The following NSUN4 variants were observed in gnomAD, a reference collection of about 807,000 sequenced individuals.
The protein encoded by NSUN4 is 5-cytosine rRNA methyltransferase NSUN4.
NSUN4 carries 31 observed loss-of-function variants against 43.8 expected under a neutral mutation model. The ratio of observed to expected loss-of-function variants is 0.71; its 90% CI spans 0.53 to 0.96. NSUN4 has a LOEUF of 0.96. Ranked by LOEUF, NSUN4 falls within the 40% of genes least tolerant of loss-of-function variation. NSUN4 has a pLI of 0.00. For missense variants in NSUN4, 439 were observed against 475.6 expected, an observed-to-expected ratio of 0.92 and a Z score of 0.72; for synonymous variants, 167 against 184.1, an observed-to-expected ratio of 0.91 and a Z score of 0.75.
the NSUN4 span, among the ~76,000 whole-genome samples, chr1:46,379,148 C>G: frequency 6.6e-6 from 1 of 152,090 alleles, no homozygotes; most frequent in Non-Finnish European, 1.5e-5. Context: ...ACAAACTCTC[C>G]CCAAACTCAG....
chr1:46,348,267 T>C (rs1320322371), intron 3 of NSUN4, among the ~76,000 whole-genome samples: 3 of 152,218 alleles, frequency 2.0e-5, no homozygotes, highest in African/African-American at 4.8e-5. Flanking sequence ...TCAGCTCAAG[T>C]GTGCCACCTC....
chr1:46,347,870 T>C (rs1365500149), intron 3 of NSUN4, among the ~76,000 whole-genome samples: 2 of 150,326 alleles, frequency 1.3e-5, no homozygotes, highest in Non-Finnish European at 3.0e-5. Flanking sequence ...TTTTTTTTTT[T>C]CTTTCTTTTT....
chr1:46,371,353 T>A, the NSUN4 span, among the ~76,000 whole-genome samples: 2,580 of 149,996 alleles, frequency 0.017, 63 homozygotes, highest in African/African-American at 0.058. Context: ...TCGCCCAAGC[T>A]GGAGTGCAGT....
chr1:46,361,837 G>A lies in NSUN4; in HGVS notation c.1146G>A (p.Arg382=). ...CCATGTACTTCTGCAAAATGCGTAG[G>A]CTGACATAGTATCACCCAATCCCTG... ...FGPMYFCKMR[R]LT The change falls in exon 6 of 6, where the codon AGG becomes AGA. Residue 382 remains arginine, a synonymous_variant. Coordinates refer to ENST00000474844, the MANE Select transcript of NSUN4 (RefSeq NM_199044.4). The A allele has an allele frequency of 1.2e-6, 2 of 1,613,898 alleles. No homozygotes were observed. The highest frequency in any genetic ancestry group is 1.1e-5 in the South Asian group (1 of 91,076).
chr1:46,369,616 A>G (rs1385623409), downstream of NSUN4, among the ~76,000 whole-genome samples: 1 of 152,192 alleles, frequency 6.6e-6, no homozygotes, highest in Non-Finnish European at 1.5e-5. Flanking sequence ...GAGGAGTTAA[A>G]TTAGTGAGGC....
At chr1:46,357,547 T>A (rs551626528) in intron 4 of NSUN4, among the ~76,000 whole-genome samples, 36 of 152,338 alleles carry the variant, frequency 2.4e-4, no homozygotes, top group Admixed American at 1.3e-4. Context: ...CCCTTGAAAT[T>A]ACATAGCTCT....
In NSUN4 at chr1:46,356,329, C is replaced by A. The variant is rs115497988; in HGVS notation, c.753+3301C>A. Reference sequence around the variant, plus strand: ...CAAGTGATCCTCCTGCCTCAGCCCCCCAAAGCATTAGGATTACAGGTGTGA... The same window carrying A: ...CAAGTGATCCTCCTGCCTCAGCCCCACAAAGCATTAGGATTACAGGTGTGA... On this transcript the variant is annotated intron_variant, in intron 4 of 5. Coordinates refer to ENST00000474844, the MANE Select transcript of NSUN4 (RefSeq NM_199044.4). Among the ~76,000 whole-genome samples the A allele has an allele frequency of 2.5e-3, 384 of 152,290 alleles. 1 individual carries two copies. The highest frequency in any genetic ancestry group is 8.9e-3 in the African/African-American group (371 of 41,574).
chr1:46,377,216 AT>A, the NSUN4 span, among the ~76,000 whole-genome samples: 2 of 151,796 alleles, frequency 1.3e-5, no homozygotes, highest in Non-Finnish European at 2.9e-5. Flanking sequence ...CACCCGAGTA[AT>A]TTTTGTATTT....
chr1:46,358,398 ATTTTTTTTT>A (rs34719174), intron 4 of NSUN4, among the ~76,000 whole-genome samples: 2 of 95,456 alleles, frequency 2.1e-5, no homozygotes, highest in East Asian at 6.6e-4. Context: ...TCCTGGCCTA[ATTTTTTTTT>A]TTTTTTTTTT....
intron 3 of NSUN4, among the ~76,000 whole-genome samples, chr1:46,348,709 C>CAAAAAAA (rs34999763): frequency 3.1e-4 from 16 of 52,132 alleles, no homozygotes; most frequent in African/African-American, 1.3e-3. Flanking sequence ...AACTCTGTCT[C>CAAAAAAA]AAAAAAAAAA....
intron 1 of NSUN4, chr1:46,343,241 C>A: frequency 2.5e-6 from 1 of 399,712 alleles, no homozygotes; most frequent in Non-Finnish European, 4.4e-6. Context: ...GGGGCCCACC[C>A]CAACCTCGTT....
intron 1 of NSUN4, chr1:46,342,281 T>C (rs955625905): frequency 2.3e-5 from 9 of 399,082 alleles, no homozygotes; most frequent in South Asian, 1.3e-4. Flanking sequence ...CTCTAGACTC[T>C]TGTGAACCCA....
intron 1 of NSUN4, chr1:46,343,571 A>G: frequency 5.0e-6 from 2 of 400,274 alleles, no homozygotes; most frequent in Non-Finnish European, 8.8e-6. Context: ...GCCGGAGCCA[A>G]AGCAAGAGTC....
At chr1:46,360,249 A>AAAAAAATAT (rs1553177947) in intron 4 of NSUN4, among the ~76,000 whole-genome samples, 2 of 25,768 alleles carry the variant, frequency 7.8e-5, no homozygotes, top group African/African-American at 1.3e-4. Flanking sequence ...AAAAAAAAAA[A>AAAAAAATAT]ATATATATAT....
chr1:46,346,246 C>T (rs953759868), intron 2 of NSUN4, among the ~76,000 whole-genome samples: 1 of 150,330 alleles, frequency 6.7e-6, no homozygotes, highest in South Asian at 2.1e-4. Context: ...GTGAGGAAGA[C>T]AGCTATTTAA....
At chr1:46,374,201 G>A in the NSUN4 span, among the ~76,000 whole-genome samples, 2 of 144,862 alleles carry the variant, frequency 1.4e-5, no homozygotes, top group East Asian at 2.0e-4. Flanking sequence ...CAGGAGAATC[G>A]CTTGAACCTG....
At chr1:46,352,830 A>G (rs41294480) in intron 3 of NSUN4, 38 bp from the exon 4 acceptor site, 93,509 of 1,600,682 alleles carry the variant, frequency 0.058, 3,229 homozygotes, top group South Asian at 0.12. Context: ...GGAATGTTTC[A>G]TTGGGTCATG....
At chr1:46,377,271 A>C in the NSUN4 span, among the ~76,000 whole-genome samples, 21 of 152,146 alleles carry the variant, frequency 1.4e-4, no homozygotes, top group Admixed American at 1.4e-3. Context: ...GCTGGTCTCA[A>C]ACTCCTGACT....
intron 3 of NSUN4, among the ~76,000 whole-genome samples, chr1:46,350,371 T>TA (rs950722016): frequency 1.1e-4 from 17 of 150,752 alleles, no homozygotes; most frequent in Admixed American, 4.0e-4. Context: ...TTCATTAAAA[T>TA]AAAAAAAAAG....
Sources: allele counts gnomAD v4.1 joint callset (sites outside exome capture counted in the v4.1 genomes callset), GRCh38; gene constraint gnomAD v4.1.1; transcripts MANE v1.5; gene names NCBI Gene and HGNC (gene_info 2026-07-23, HGNC 2026-07-21).